NAV3: variants seen among roughly 807,000 people sequenced by gnomAD.
NAV3 encodes the protein pore membrane and/or filament interacting like protein 1.
NAV3 carries 87 observed loss-of-function variants against 244.7 expected under a neutral mutation model. The observed-to-expected ratio is 0.36, with a 90% CI of 0.30 to 0.42. The LOEUF (loss-of-function observed/expected upper bound fraction) is 0.42. NAV3 is among the 20% of genes least tolerant of loss of function. NAV3 has a pLI of 1.00. For missense variants in NAV3, 2,663 were observed against 2,893.3 expected, an observed-to-expected ratio of 0.92 and a Z score of 1.83; for synonymous variants, 1,126 against 1,042.2, an observed-to-expected ratio of 1.08 and a Z score of -1.55.
At chr12:77,966,159 T>C (rs1892493894) in intron 3 of NAV3, 70 bp from the exon 4 acceptor site, 2 of 1,262,044 alleles carry the variant, frequency 1.6e-6, no homozygotes, top group Middle Eastern at 3.8e-4. Flanking sequence ...CTTTCTGGTT[T>C]CATTTTGGCA....
At chr12:78,055,683 G>T (rs544023624) in intron 11 of NAV3, among the ~76,000 whole-genome samples, 2 of 152,266 alleles carry the variant, frequency 1.3e-5, no homozygotes, top group East Asian at 3.9e-4. Flanking sequence ...GCAAAAGAGG[G>T]GAAGACCCAG....
At chr12:78,184,366 A>G (rs2139785867) in intron 30 of NAV3, among the ~76,000 whole-genome samples, 1 of 151,978 alleles carries the variant, frequency 6.6e-6, no homozygotes, top group East Asian at 1.9e-4. Flanking sequence ...CTTAAAAAGG[A>G]GCAAGATAAT....
At chr12:78,151,892 T>A (rs1293580858) in intron 22 of NAV3, among the ~76,000 whole-genome samples, 1 of 151,158 alleles carries the variant, frequency 6.6e-6, no homozygotes, top group Non-Finnish European at 1.5e-5. Context: ...TATTAAAATG[T>A]ATAAAATAAT....
rs547473243 is a variant in NAV3, at chr12:77,683,678, C to A, written c.72+111412C>A. On this transcript the variant is annotated intron_variant, in intron 2 of 8. Transcript: ENST00000550042. ...AATTATTATTTGTTCTTAAACATTG[C>A]AAAAATGGGTTACACAGTAGGTGTG... is the stretch of plus-strand genomic sequence containing the variant. Among the ~76,000 whole-genome samples the A allele has an allele frequency of 2.0e-5, 3 of 151,968 alleles. No homozygotes were observed. In the East Asian group the frequency reaches 5.8e-4, roughly 29 times the overall value.
chr12:78,016,484 A>T (rs1177662259), intron 8 of NAV3, among the ~76,000 whole-genome samples: 1 of 152,078 alleles, frequency 6.6e-6, no homozygotes, highest in African/African-American at 2.4e-5. Context: ...ACTCCCCTGA[A>T]TCGAGTAAAT....
Position 77,935,300 on chromosome 12 carries a change from G to A in NAV3, c.244-5019G>A, listed in dbSNP as rs183910126. ...TTCTGATGTTGTTTCTTCATAGCAG[G>A]TTCACTTCTCAAAAGAAATATGGTA... On this transcript the variant is annotated intron_variant, in intron 1 of 39. Coordinates refer to ENST00000397909, the MANE Select transcript of NAV3 (RefSeq NM_001024383.2). 2.1e-4 allele frequency among the ~76,000 whole-genome samples: 32 copies of A among 152,138 alleles called. 1 individual carries two copies. The highest frequency in any genetic ancestry group is 1.8e-3 in the Admixed American group (28 of 15,270).
At chr12:78,107,669 G>T (rs1954873130) in intron 12 of NAV3, among the ~76,000 whole-genome samples, 1 of 151,972 alleles carries the variant, frequency 6.6e-6, no homozygotes, top group African/African-American at 2.4e-5. Flanking sequence ...ATAAATGAAG[G>T]AGAAATAAAA....
intron 34 of NAV3, among the ~76,000 whole-genome samples, chr12:78,192,140 G>GAA (rs5799379): frequency 5.9e-5 from 9 of 151,534 alleles, no homozygotes; most frequent in African/African-American, 1.9e-4. Flanking sequence ...TTCAGCTTAG[G>GAA]AAAAAAAGTT....
intron 2 of NAV3, among the ~76,000 whole-genome samples, chr12:77,591,255 C>T (rs1869890255): frequency 6.6e-6 from 1 of 152,164 alleles, no homozygotes; most frequent in Admixed American, 6.5e-5. Flanking sequence ...TTGGAAAAAT[C>T]TGTTACTTCT....
At chr12:77,745,434 A>C (rs968710231) in intron 2 of NAV3, among the ~76,000 whole-genome samples, 1 of 152,070 alleles carries the variant, frequency 6.6e-6, no homozygotes, top group Admixed American at 6.6e-5. Flanking sequence ...GGGGTAAGCA[A>C]TGAACACAGA....
intron 2 of NAV3, among the ~76,000 whole-genome samples, chr12:77,806,208 C>A (rs1472071039): frequency 6.6e-6 from 1 of 152,106 alleles, no homozygotes; most frequent in East Asian, 1.9e-4. Context: ...CTTCTGCTAG[C>A]TTTTGAATTT....
intron 2 of NAV3, among the ~76,000 whole-genome samples, chr12:77,814,227 A>G (rs1321390749): frequency 6.6e-6 from 1 of 151,942 alleles, no homozygotes; most frequent in Non-Finnish European, 1.5e-5. Context: ...AGGAAGACTC[A>G]TGTCCCTTCG....
chr12:77,821,835 A>T (rs536353843), intron 2 of NAV3, among the ~76,000 whole-genome samples: 1 of 152,304 alleles, frequency 6.6e-6, no homozygotes, highest in South Asian at 2.1e-4. Context: ...AACACAGTAT[A>T]TTTGTGTACC....
At chr12:78,004,664 G>T (rs560309822) in intron 7 of NAV3, among the ~76,000 whole-genome samples, 38 of 152,316 alleles carry the variant, frequency 2.5e-4, no homozygotes, top group Admixed American at 1.0e-3. Context: ...AGCTGCTGTT[G>T]TGCAATCTTT....
chr12:77,873,094 CT>C (rs753561188), intron 1 of NAV3, among the ~76,000 whole-genome samples: 113 of 152,308 alleles, frequency 7.4e-4, no homozygotes, highest in Non-Finnish European at 9.1e-4. Flanking sequence ...ATGCTCTTGG[CT>C]GCCACCATTA....
At chr12:77,797,345 A>G (rs1565817575) in intron 2 of NAV3, among the ~76,000 whole-genome samples, 1 of 151,946 alleles carries the variant, frequency 6.6e-6, no homozygotes, top group Non-Finnish European at 1.5e-5. Context: ...TACTTTCTAC[A>G]TATGGTTTTA....
chr12:77,990,951 G>T (rs1333775482), intron 5 of NAV3, among the ~76,000 whole-genome samples: 3 of 152,122 alleles, frequency 2.0e-5, no homozygotes, highest in African/African-American at 4.8e-5. Context: ...TACACTTGCT[G>T]TTACAACACT....
chr12:78,149,660 A>G (rs1054897983), intron 22 of NAV3, among the ~76,000 whole-genome samples: 9 of 152,080 alleles, frequency 5.9e-5, no homozygotes, highest in Non-Finnish European at 8.8e-5. Context: ...CTATTTTGCC[A>G]TATGTCTTAC....
chr12:78,108,187 C>A (rs1412552194), intron 12 of NAV3, among the ~76,000 whole-genome samples: 1 of 151,636 alleles, frequency 6.6e-6, no homozygotes, highest in African/African-American at 2.4e-5. Flanking sequence ...GACTTTAAGT[C>A]AAAAAGAGTA....
Sources: allele counts gnomAD v4.1 joint callset (sites outside exome capture counted in the v4.1 genomes callset), GRCh38; gene constraint gnomAD v4.1.1; transcripts MANE v1.5; gene names NCBI Gene and HGNC (gene_info 2026-07-23, HGNC 2026-07-21).